Variants in ATOSA observed in about 807,000 individuals in gnomAD.
ATOSA encodes atos homolog protein A.
the ATOSA span, among the ~76,000 whole-genome samples, chr15:52,692,546 G>T: frequency 1.3e-5 from 2 of 152,130 alleles, no homozygotes; most frequent in South Asian, 2.1e-4. Context: ...TAGAGACAGG[G>T]TTTCACCATA....
chr15:52,582,050 A>C, the ATOSA span: 3 of 919,650 alleles, frequency 3.3e-6, no homozygotes, highest in African/African-American at 1.7e-5. Context: ...GGATAACAGG[A>C]GAGAATCCAC....
the ATOSA span, among the ~76,000 whole-genome samples, chr15:52,630,788 C>T: frequency 1.5e-3 from 223 of 152,208 alleles, 3 homozygotes; most frequent in South Asian, 1.0e-2. Context: ...AAGTGTTTAT[C>T]GTCCATAGAA....
the ATOSA span, among the ~76,000 whole-genome samples, chr15:52,590,168 T>C: frequency 4.6e-5 from 7 of 152,310 alleles, no homozygotes; most frequent in South Asian, 1.4e-3. Context: ...CTCAGATTAT[T>C]ATGGAATAGG....
At chr15:52,614,495 T>C in the ATOSA span, among the ~76,000 whole-genome samples, 1 of 151,892 alleles carries the variant, frequency 6.6e-6, no homozygotes. Context: ...ATTCAGAGAG[T>C]AAGACAAAAA....
At chr15:52,639,913 G>T in the ATOSA span, among the ~76,000 whole-genome samples, 92 of 151,152 alleles carry the variant, frequency 6.1e-4, no homozygotes, top group East Asian at 5.4e-3. Flanking sequence ...ACCATACCCA[G>T]CTAATTTTTT....
the ATOSA span, among the ~76,000 whole-genome samples, chr15:52,699,589 A>C: frequency 1.3e-5 from 2 of 151,964 alleles, no homozygotes; most frequent in African/African-American, 4.8e-5. Flanking sequence ...AACTCATTAA[A>C]AAAAAACAGA....
At chr15:52,586,481 T>G in the ATOSA span, 1 of 152,226 alleles carries the variant, frequency 6.6e-6, no homozygotes, top group Non-Finnish European at 1.5e-5. Context: ...TCTCTTTCAG[T>G]CTGCAAACTC....
chr15:52,687,510 G>A, the ATOSA span, among the ~76,000 whole-genome samples: 1 of 152,246 alleles, frequency 6.6e-6, no homozygotes, highest in Non-Finnish European at 1.5e-5. Flanking sequence ...ATTCTCTCTA[G>A]GAGAGGGGCC....
At chr15:52,632,057 C>T in the ATOSA span, among the ~76,000 whole-genome samples, 2 of 152,132 alleles carry the variant, frequency 1.3e-5, no homozygotes, top group Admixed American at 6.6e-5. Flanking sequence ...TGCACCTGAC[C>T]AGACAGTATT....
chr15:52,582,385 T>C, the ATOSA span: 72 of 1,260,766 alleles, frequency 5.7e-5, 1 homozygote, highest in African/African-American at 1.0e-3. Flanking sequence ...AATTTGAAAG[T>C]AGGAAGAACA....
chr15:52,601,355 A>G, the ATOSA span, among the ~76,000 whole-genome samples: 1 of 152,132 alleles, frequency 6.6e-6, no homozygotes, highest in Non-Finnish European at 1.5e-5. Flanking sequence ...TGTTGAAAAA[A>G]CAGATGACAA....
the ATOSA span, among the ~76,000 whole-genome samples, chr15:52,631,667 G>A: frequency 9.2e-5 from 14 of 152,198 alleles, 1 homozygote; most frequent in Admixed American, 8.5e-4. Context: ...AACATATCTC[G>A]AATTTAACAC....
the ATOSA span, among the ~76,000 whole-genome samples, chr15:52,665,184 A>T: frequency 6.6e-6 from 1 of 152,200 alleles, no homozygotes; most frequent in African/African-American, 2.4e-5. Context: ...TGATGGGATC[A>T]TCTGTATCCC....
the ATOSA span, among the ~76,000 whole-genome samples, chr15:52,687,310 C>G: frequency 6.6e-6 from 1 of 152,186 alleles, no homozygotes; most frequent in Admixed American, 6.5e-5. Flanking sequence ...GAGGCTGAGG[C>G]AGGAAAATGG....
At chr15:52,623,878 A>C in the ATOSA span, among the ~76,000 whole-genome samples, 1 of 152,198 alleles carries the variant, frequency 6.6e-6, no homozygotes, top group Non-Finnish European at 1.5e-5. Flanking sequence ...AAAAGTATTA[A>C]ATATGCAATA....
the ATOSA span, among the ~76,000 whole-genome samples, chr15:52,630,318 C>T: frequency 6.6e-6 from 1 of 152,036 alleles, no homozygotes. Context: ...AGATGAAGTG[C>T]TACACCAAAG....
At chr15:52,684,400 G>T in the ATOSA span, among the ~76,000 whole-genome samples, 4 of 152,152 alleles carry the variant, frequency 2.6e-5, no homozygotes, top group Non-Finnish European at 5.9e-5. Flanking sequence ...AGCCAGGCAC[G>T]ATGGCATGAA....
chr15:52,624,761 G>A, the ATOSA span, among the ~76,000 whole-genome samples: 2 of 150,876 alleles, frequency 1.3e-5, no homozygotes, highest in East Asian at 1.9e-4. Flanking sequence ...CAGTCTCAAA[G>A]GAATATGTGT....
the ATOSA span, among the ~76,000 whole-genome samples, chr15:52,632,132 A>G: frequency 4.6e-5 from 7 of 152,310 alleles, no homozygotes; most frequent in African/African-American, 1.7e-4. Context: ...AAACATCTTA[A>G]AGTGGAAAAG....
Sources: allele counts gnomAD v4.1 joint callset (sites outside exome capture counted in the v4.1 genomes callset), GRCh38; gene constraint gnomAD v4.1.1; transcripts MANE v1.5; gene names NCBI Gene and HGNC (gene_info 2026-07-23, HGNC 2026-07-21).